Variants in NMT2 observed in about 807,000 individuals in gnomAD.
NMT2 encodes glycylpeptide N-tetradecanoyltransferase 2.
Under a neutral mutation model 65.4 loss-of-function variants are expected in NMT2, and 35 were observed. That is an observed-to-expected ratio of 0.54 (90% confidence interval 0.41 to 0.71). The LOEUF (loss-of-function observed/expected upper bound fraction) is 0.71, where lower values mean the gene tolerates loss of function less well. NMT2 is among the 30% of genes least tolerant of loss of function. NMT2 has a pLI of 0.00. For synonymous variants in NMT2, 226 were observed against 231.8 expected, an observed-to-expected ratio of 0.98 and a Z score of 0.23; for missense variants, 489 against 611.3, an observed-to-expected ratio of 0.80 and a Z score of 2.11.
intron 3 of NMT2, 123 bp downstream of exon 3, chr10:15,135,151 T>C (rs187652418): frequency 4.3e-4 from 423 of 983,048 alleles, no homozygotes; most frequent in Non-Finnish European, 6.4e-4. Context: ...CAATCTGTGG[T>C]ATGAAATAAA....
intron 9 of NMT2, among the ~76,000 whole-genome samples, chr10:15,118,198 AC>A (rs1845807749): frequency 6.6e-6 from 1 of 152,186 alleles, no homozygotes; most frequent in South Asian, 2.1e-4. Context: ...AATATAGAGG[AC>A]CCAGAAAGGA....
rs534746893 is a variant in NMT2, at chr10:15,134,172, G to A, written c.392-809C>T. Among the ~76,000 whole-genome samples, 14 of 152,250 alleles carry A rather than the reference G, an allele frequency of 9.2e-5. No individual in the cohort carries two copies. The East Asian group carries it at 1.2e-3, about 13-fold the overall frequency. ...TCTCCCCATCTAAACTGCTAGCAGC[G>A]TAGTTCAGGCCATCACAATTTCTAG... On this transcript the variant is annotated intron_variant, in intron 3 of 11. Coordinates refer to ENST00000378165, the MANE Select transcript of NMT2 (RefSeq NM_004808.3).
rs1244074755 is a variant in NMT2, at chr10:15,108,740, A to G, written c.*455T>C. Reference sequence around the variant, plus strand: ...TGATACCATGTAAGGTGATACCAGTAAAAAAAATTTCCAAATGGATCTTTT... The same window carrying G: ...TGATACCATGTAAGGTGATACCAGTGAAAAAAATTTCCAAATGGATCTTTT... On this transcript the variant is annotated 3_prime_UTR_variant, in exon 12 of 12. Transcript: ENST00000378165. 1 of 1,018,718 alleles carries G rather than the reference A, an allele frequency of 9.8e-7. No homozygotes were observed. The highest frequency in any genetic ancestry group is 1.2e-6 in the Non-Finnish European group (1 of 852,836). 63.1% of individuals were successfully genotyped at this position (1,018,718 alleles called of 1,614,324 possible).
At chr10:15,133,724 C>T (rs1432793541) in intron 3 of NMT2, among the ~76,000 whole-genome samples, 1 of 152,080 alleles carries the variant, frequency 6.6e-6, no homozygotes, top group Admixed American at 6.6e-5. Flanking sequence ...GTAGCTGGGA[C>T]TAGAGTTGTA....
chr10:15,157,592 G>A (rs1232320703), intron 1 of NMT2, among the ~76,000 whole-genome samples: 1 of 152,056 alleles, frequency 6.6e-6, no homozygotes, highest in South Asian at 2.1e-4. Flanking sequence ...TCAGAAAAGA[G>A]ATGATTAAGC....
At chr10:15,131,573 T>C (rs1219960353) in intron 6 of NMT2, among the ~76,000 whole-genome samples, 1 of 152,174 alleles carries the variant, frequency 6.6e-6, no homozygotes, top group East Asian at 1.9e-4. Context: ...GAGAGGGGCT[T>C]TGAGCAGACC....
intron 1 of NMT2, among the ~76,000 whole-genome samples, chr10:15,158,175 G>T (rs1833063933): frequency 6.6e-6 from 1 of 152,034 alleles, no homozygotes; most frequent in Non-Finnish European, 1.5e-5. Flanking sequence ...AATTAGCCGG[G>T]CATGGTGGCA....
At chr10:15,123,106 A>G (rs190398253) in intron 8 of NMT2, among the ~76,000 whole-genome samples, 6 of 152,318 alleles carry the variant, frequency 3.9e-5, no homozygotes, top group Admixed American at 3.9e-4. Context: ...TAAGTTTGGC[A>G]ACTTATAAGC....
chr10:15,111,339 T>A (rs1845507827), intron 10 of NMT2, among the ~76,000 whole-genome samples: 1 of 151,234 alleles, frequency 6.6e-6, no homozygotes, highest in Non-Finnish European at 1.5e-5. Flanking sequence ...GATGAAACCC[T>A]GTCTCTACTA....
chr10:15,149,136 A>G (rs932814483), intron 1 of NMT2, among the ~76,000 whole-genome samples: 4 of 151,184 alleles, frequency 2.6e-5, no homozygotes, highest in African/African-American at 7.3e-5. Context: ...CACCATCGCC[A>G]CTACCATTGA....
intron 9 of NMT2, among the ~76,000 whole-genome samples, chr10:15,114,689 A>G (rs1384150337): frequency 2.0e-5 from 3 of 152,184 alleles, no homozygotes; most frequent in African/African-American, 7.2e-5. Context: ...TAGTGAGTAT[A>G]GAAGATCCTA....
chr10:15,122,946 T>A (rs975857724), intron 8 of NMT2, among the ~76,000 whole-genome samples: 18 of 146,830 alleles, frequency 1.2e-4, no homozygotes, highest in Non-Finnish European at 1.3e-4. Context: ...AAAAAAAAAA[T>A]GACTGCATAG....
At position 15,133,041 on chromosome 10, in the gene NMT2, G is replaced by C. The variant is rs200658082; in HGVS notation, c.602+12C>G. On this transcript the variant is annotated intron_variant, in intron 5 of 11. Transcript: ENST00000378165. ...GCGCCTATCCACGACATCTGTGATC[G>C]ATGAGACTTACCACAACAGGAACTC... The C allele has an allele frequency of 6.2e-7, 1 of 1,610,872 alleles. No individual in the cohort carries two copies. Among genetic ancestry groups the C allele is most frequent in the East Asian group, 2.2e-5 (1 of 44,848 alleles).
intron 1 of NMT2, among the ~76,000 whole-genome samples, chr10:15,165,353 T>A (rs940736846): frequency 6.6e-6 from 1 of 152,194 alleles, no homozygotes; most frequent in African/African-American, 2.4e-5. Context: ...TACTCCCTAA[T>A]TCTAATTGCA....
chr10:15,114,680 A>G (rs527328583), intron 9 of NMT2, among the ~76,000 whole-genome samples: 3 of 152,318 alleles, frequency 2.0e-5, no homozygotes, highest in Non-Finnish European at 4.4e-5. Context: ...CAACCTCAGT[A>G]GTGAGTATAG....
chr10:15,141,352 G>A (rs1022043686), intron 2 of NMT2, 70 bp downstream of exon 2: 39 of 1,570,622 alleles, frequency 2.5e-5, no homozygotes, highest in African/African-American at 6.8e-5. Flanking sequence ...ATGCAGCAGC[G>A]CGCTAAACTG....
intron 1 of NMT2, among the ~76,000 whole-genome samples, chr10:15,167,982 G>A (rs967104592): frequency 1.3e-5 from 2 of 152,140 alleles, no homozygotes; most frequent in African/African-American, 4.8e-5. Context: ...CTGCGGCCCC[G>A]ACACCATCGG....
intron 6 of NMT2, 22 bp from the exon 7 acceptor site, chr10:15,130,334 GA>G: frequency 6.7e-6 from 10 of 1,500,698 alleles, no homozygotes; most frequent in Non-Finnish European, 9.0e-6. Context: ...AGATGGTGAA[GA>G]TTAAGAGTCA....
chr10:15,130,285 A>G lies in NMT2; in HGVS notation c.747T>C (p.Phe249=), dbSNP rs1846232528. ...DSVKKMVEIN[F]LCVHKKLRSK... is the part of the protein sequence containing the mutation. Reference sequence around the variant, plus strand: ...ATCTCAACTTCTTATGAACACAAAGAAAGTTGATTTCTACCATCTTCTTCA... The same window carrying G: ...ATCTCAACTTCTTATGAACACAAAGGAAGTTGATTTCTACCATCTTCTTCA... The change falls in exon 7 of 12, where the codon TTT becomes TTC. Residue 249 remains phenylalanine, a synonymous_variant. Coordinates refer to ENST00000378165, the MANE Select transcript of NMT2 (RefSeq NM_004808.3). 2 of 1,597,266 alleles carry G rather than the reference A, an allele frequency of 1.3e-6. No homozygotes were observed. Among genetic ancestry groups the G allele is most frequent in the Non-Finnish European group, 1.7e-6 (2 of 1,170,982 alleles).
Sources: allele counts gnomAD v4.1 joint callset (sites outside exome capture counted in the v4.1 genomes callset), GRCh38; gene constraint gnomAD v4.1.1; transcripts MANE v1.5; gene names NCBI Gene and HGNC (gene_info 2026-07-23, HGNC 2026-07-21).